Variants in IBTK observed in about 807,000 individuals in gnomAD.
IBTK encodes BTK-binding protein.
Under a neutral mutation model 154.9 loss-of-function variants are expected in IBTK, and 83 were observed. That is an observed-to-expected ratio of 0.54 (90% CI 0.45 to 0.64). The LOEUF is 0.64. Ranked by LOEUF, IBTK falls within the 30% of genes least tolerant of loss-of-function variation. The pLI, the probability that IBTK is intolerant of heterozygous loss-of-function variation, is 0.00. For synonymous variants in IBTK, 515 were observed against 536.1 expected, an observed-to-expected ratio of 0.96 and a Z score of 0.54; for missense variants, 1,332 against 1,584.6, an observed-to-expected ratio of 0.84 and a Z score of 2.71.
At chr6:82,178,791 A>C (rs941948673) in intron 26 of IBTK, among the ~76,000 whole-genome samples, 3 of 152,226 alleles carry the variant, frequency 2.0e-5, no homozygotes, top group Admixed American at 6.5e-5. Context: ...AATATAACTG[A>C]ATAGATATTG....
chr6:82,223,610 T>C lies in IBTK; in HGVS notation c.954A>G (p.Leu318=). ...TTACACACTTTTCTCCATTGGGATCTAGCAAACAACCTAAAAAATGATACA... is the reference window on the plus strand; with the variant it reads ...TTACACACTTTTCTCCATTGGGATCCAGCAAACAACCTAAAAAATGATACA... ...GLNGGQLGCL[L]DPNGEKCVTA... is the part of the protein sequence containing the mutation. Residue 318 remains leucine, a synonymous_variant, in exon 8 of 29, where the codon CTA becomes CTG. Transcript: ENST00000306270. 1 of 1,611,722 alleles carries C rather than the reference T, an allele frequency of 6.2e-7. No homozygotes were observed. The highest frequency in any genetic ancestry group is 1.1e-5 in the South Asian group (1 of 90,560).
At chr6:82,241,580 C>CA (rs1318023631) in intron 1 of IBTK, among the ~76,000 whole-genome samples, 4 of 151,128 alleles carry the variant, frequency 2.6e-5, no homozygotes, top group South Asian at 2.2e-4. Context: ...CAAAGGCAAA[C>CA]AAAAAAACGA....
At position 82,218,688 on chromosome 6, in the gene IBTK, G is replaced by A. The variant is rs188177565; in HGVS notation, c.1249-551C>T. 4.9e-4 allele frequency among the ~76,000 whole-genome samples: 74 copies of A among 152,260 alleles called. 1 individual carries two copies. The highest frequency in any genetic ancestry group is 1.7e-3 in the African/African-American group (69 of 41,560). ...AAAGTAGCTCCAGGGGACTTGCTAA[G>A]GGATGGAGAATGATGAGAGATGGGG... On this transcript the variant is annotated intron_variant, in intron 9 of 28. Coordinates refer to ENST00000306270, the MANE Select transcript of IBTK (RefSeq NM_015525.4).
At chr6:82,232,209 T>G (rs1319043473) in intron 3 of IBTK, among the ~76,000 whole-genome samples, 2 of 152,190 alleles carry the variant, frequency 1.3e-5, no homozygotes, top group Non-Finnish European at 2.9e-5. Flanking sequence ...TCTTGTTTCT[T>G]TAGCAGCTAA....
At chr6:82,180,186 A>G (rs1768267999) in intron 26 of IBTK, among the ~76,000 whole-genome samples, 1 of 152,212 alleles carries the variant, frequency 6.6e-6, no homozygotes, top group African/African-American at 2.4e-5. Context: ...TAATTTATAA[A>G]TATGCAAAAA....
At chr6:82,184,625 A>G (rs138676675) in intron 25 of IBTK, among the ~76,000 whole-genome samples, 2 of 152,302 alleles carry the variant, frequency 1.3e-5, no homozygotes, top group East Asian at 1.9e-4. Flanking sequence ...AATACTTTCC[A>G]TTGCCACACC....
chr6:82,191,186 A>G lies in IBTK; in HGVS notation c.3462T>C (p.Ser1154=). ...ATGCAATCATTTTTCGTTGCTTCTG[A>G]GAAAGTTTAACTCCATGAGAAACTG... ...GKTVSHGVKL[S]QKQRKMIALT... is the part of the protein sequence containing the mutation. Residue 1154 remains serine, a synonymous_variant, in exon 25 of 29, where the codon TCT becomes TCC. Transcript: ENST00000306270. The G allele has an allele frequency of 6.2e-7, 1 of 1,609,854 alleles. No homozygotes were observed. Among genetic ancestry groups the G allele is most frequent in the South Asian group, 1.1e-5 (1 of 90,110 alleles).
At chr6:82,196,855 AG>A (rs1025317767) in intron 21 of IBTK, among the ~76,000 whole-genome samples, 1 of 152,152 alleles carries the variant, frequency 6.6e-6, no homozygotes, top group Admixed American at 6.6e-5. Flanking sequence ...CACCCAAGCA[AG>A]GGGGTAGCTT....
intron 2 of IBTK, among the ~76,000 whole-genome samples, chr6:82,236,121 G>A (rs7772907): frequency 0.24 from 36,288 of 152,058 alleles, 4,386 homozygotes; most frequent in African/African-American, 0.28. Flanking sequence ...TGATCTGCCC[G>A]CCTTGGCCTC....
intron 22 of IBTK, among the ~76,000 whole-genome samples, chr6:82,195,610 C>A (rs534634494): frequency 1.3e-5 from 2 of 151,886 alleles, no homozygotes; most frequent in Non-Finnish European, 2.9e-5. Flanking sequence ...ATCCTTGAGG[C>A]CTAAAAGACT....
chr6:82,180,870 A>G (rs1768295518), intron 26 of IBTK, among the ~76,000 whole-genome samples: 1 of 152,148 alleles, frequency 6.6e-6, no homozygotes, highest in Non-Finnish European at 1.5e-5. Context: ...AGAAAAGTTT[A>G]TATTATCTGT....
intron 4 of IBTK, among the ~76,000 whole-genome samples, chr6:82,230,170 T>C (rs1462544126): frequency 1.3e-5 from 2 of 152,190 alleles, no homozygotes; most frequent in South Asian, 2.1e-4. Context: ...AACTAAGTGT[T>C]GTTATGTATG....
At chr6:82,194,979 G>A (rs949954343) in intron 22 of IBTK, among the ~76,000 whole-genome samples, 1 of 152,038 alleles carries the variant, frequency 6.6e-6, no homozygotes, top group African/African-American at 2.4e-5. Context: ...AATATCCATG[G>A]CTTGAATATG....
intron 23 of IBTK, among the ~76,000 whole-genome samples, chr6:82,193,638 T>C (rs1768866775): frequency 6.6e-6 from 1 of 152,200 alleles, no homozygotes; most frequent in Non-Finnish European, 1.5e-5. Context: ...ATTAACATTT[T>C]GAAAGAATAC....
chr6:82,234,654 A>G (rs1272108624), intron 2 of IBTK, among the ~76,000 whole-genome samples: 1 of 152,010 alleles, frequency 6.6e-6, no homozygotes, highest in African/African-American at 2.4e-5. Context: ...ATTCTTATGT[A>G]TCAAAAAGTC....
intron 26 of IBTK, among the ~76,000 whole-genome samples, chr6:82,178,194 T>C (rs1426433863): frequency 6.6e-6 from 1 of 152,222 alleles, no homozygotes; most frequent in Admixed American, 6.5e-5. Context: ...ATACTGAAGC[T>C]ATGGATATAT....
At position 82,247,545 on chromosome 6, in the gene IBTK, G is replaced by A. The variant is rs1771203406; in HGVS notation, c.-358+17C>T. The A allele has an allele frequency of 5.0e-6, 2 of 398,934 alleles. No homozygotes were observed. Among genetic ancestry groups the A allele is most frequent in the Non-Finnish European group, 8.8e-6 (2 of 226,306 alleles). The allele number at this position is 398,934 out of a possible 1,614,324, so 24.7% of individuals were successfully genotyped here. On this transcript the variant is annotated intron_variant, in intron 1 of 28. Coordinates refer to ENST00000306270, the MANE Select transcript of IBTK (RefSeq NM_015525.4). ...AAGCCGCACCGCACGGTCGGGCAGCGCCAAGCCCTCCCTCACCAGTCGCTA... is the reference window on the plus strand; with the variant it reads ...AAGCCGCACCGCACGGTCGGGCAGCACCAAGCCCTCCCTCACCAGTCGCTA...
chr6:82,200,311 A>G, intron 20 of IBTK, 58 bp from the exon 21 acceptor site: 2 of 1,189,176 alleles, frequency 1.7e-6, no homozygotes, highest in Non-Finnish European at 2.5e-6. Flanking sequence ...AGATAAATGC[A>G]CTTATTTAAC....
chr6:82,191,779 C>T lies in IBTK; in HGVS notation c.3431+8G>A. 1 of 1,521,386 alleles carries T rather than the reference C, an allele frequency of 6.6e-7. No homozygotes were observed. Among genetic ancestry groups the T allele is most frequent in the Non-Finnish European group, 9.1e-7 (1 of 1,096,574 alleles). The allele number at this position is 1,521,386 out of a possible 1,614,324, so 94.2% of individuals were successfully genotyped here. On this transcript the variant is annotated splice_region_variant and intron_variant, in intron 24 of 28. Transcript: ENST00000306270. ...ATGAAATGATCTTTTGTAATGTTTT[C>T]AACCCACCCTAAATGTGACTTTGGT... is the stretch of plus-strand genomic sequence containing the variant.
Sources: allele counts gnomAD v4.1 joint callset (sites outside exome capture counted in the v4.1 genomes callset), GRCh38; gene constraint gnomAD v4.1.1; transcripts MANE v1.5; gene names NCBI Gene and HGNC (gene_info 2026-07-23, HGNC 2026-07-21).